The following AGAP1 variants were observed in gnomAD, a reference collection of about 807,000 sequenced individuals.
The protein encoded by AGAP1 is arf-GAP with GTPase, ANK repeat and PH domain-containing protein 1.
Under a neutral mutation model 105.3 loss-of-function variants are expected in AGAP1, and 29 were observed. The ratio of observed to expected loss-of-function variants is 0.28; its 90% CI spans 0.21 to 0.38. AGAP1 has a LOEUF of 0.38. Ranked by LOEUF, AGAP1 falls within the 10% of genes least tolerant of loss-of-function variation. The pLI is 1.00. For synonymous variants in AGAP1, 509 were observed against 485.9 expected, an observed-to-expected ratio of 1.05 and a Z score of -0.63; for missense variants, 998 against 1,165.1, an observed-to-expected ratio of 0.86 and a Z score of 2.09.
chr2:235,796,841 A>G (rs1441608358), intron 6 of AGAP1, among the ~76,000 whole-genome samples: 2 of 152,222 alleles, frequency 1.3e-5, no homozygotes, highest in Non-Finnish European at 2.9e-5. Flanking sequence ...AAAGACACAC[A>G]TCTATTCAAA....
At chr2:235,764,037 G>A (rs1187038310) in intron 6 of AGAP1, among the ~76,000 whole-genome samples, 3 of 151,376 alleles carry the variant, frequency 2.0e-5, no homozygotes, top group East Asian at 1.9e-4. Flanking sequence ...GCTTTGGCCC[G>A]TGCGTGGCTC....
In AGAP1 at chr2:235,700,951, T is replaced by A. The variant is rs905732876; in HGVS notation, c.164-8228T>A. 2.7e-5 allele frequency among the ~76,000 whole-genome samples: 4 copies of A among 147,572 alleles called. No individual in the cohort carries two copies. The highest frequency in any genetic ancestry group is 4.5e-5 in the Non-Finnish European group (3 of 67,208). On this transcript the variant is annotated intron_variant, in intron 1 of 17. Transcript: ENST00000304032. The surrounding 1 kb of genome is among the most constrained non-coding windows in gnomAD (Gnocchi z 6.1). ...CACATGCTAGCATATTTGTAATATA[T>A]ATATTATGTATTATGTATATATTAT...
chr2:235,503,306 G>C (rs1315221665), intron 1 of AGAP1, among the ~76,000 whole-genome samples: 1 of 152,194 alleles, frequency 6.6e-6, no homozygotes, highest in Non-Finnish European at 1.5e-5. Flanking sequence ...GTTTCCGGAA[G>C]CCTGTCTGCA....
At chr2:235,575,965 G>C (rs1056854289) in intron 1 of AGAP1, among the ~76,000 whole-genome samples, 1 of 152,148 alleles carries the variant, frequency 6.6e-6, no homozygotes, top group Admixed American at 6.5e-5. Flanking sequence ...TTTATGAGAC[G>C]TGTTGTCCCC....
rs73996678 is a variant in AGAP1, at chr2:235,971,289, A to T, written c.1645+2666A>T. On this transcript the variant is annotated intron_variant, in intron 13 of 17. Transcript: ENST00000304032. The surrounding 1 kb of genome is among the most constrained non-coding windows in gnomAD (Gnocchi z 4.8). The stretch of plus-strand genomic sequence containing the variant: ...TTTCAAAGCCACATTTTCCCCCCAA[A>T]TTGTAACATATCTGAAGTCAGAACA... Among the ~76,000 whole-genome samples, 3,915 of 152,290 alleles carry T rather than the reference A, an allele frequency of 0.026. 169 individuals are homozygous for T. Among genetic ancestry groups the T allele is most frequent in the African/African-American group, 0.089 (3,688 of 41,554 alleles).
Position 235,776,787 on chromosome 2 carries a change from A to C in AGAP1, c.674-20972A>C, listed in dbSNP as rs1470768618. On this transcript the variant is annotated intron_variant, in intron 6 of 17. Coordinates refer to ENST00000304032, the MANE Select transcript of AGAP1 (RefSeq NM_001037131.3). ...AGCTCGCACCCTTTCCTTAGCCTCA[A>C]AGCCTTGCTCTGAGCGAAAACCTGC... Among the ~76,000 whole-genome samples the C allele has an allele frequency of 3.3e-5, 5 of 152,202 alleles. No individual in the cohort carries two copies. In the East Asian group the frequency reaches 9.7e-4, roughly 30 times the overall value.
At chr2:235,913,897 G>A (rs1020930488) in intron 11 of AGAP1, among the ~76,000 whole-genome samples, 7 of 152,086 alleles carry the variant, frequency 4.6e-5, no homozygotes, top group Admixed American at 1.3e-4. Context: ...ACTGTGTGGA[G>A]TTCCTTATCG....
chr2:235,908,943 A>G lies in AGAP1; in HGVS notation c.1324+37A>G. ...GCAAATGCACTAACAAATCAAGTTCAACAGCAACAGGTGGTCCAGGCTCGA... is the reference window on the plus strand; with the variant it reads ...GCAAATGCACTAACAAATCAAGTTCGACAGCAACAGGTGGTCCAGGCTCGA... On this transcript the variant is annotated intron_variant, in intron 11 of 17. Coordinates refer to ENST00000304032, the MANE Select transcript of AGAP1 (RefSeq NM_001037131.3). This position sits in a 1 kb window ranked among gnomAD's most constrained non-coding sequence, Gnocchi z 4.4. The G allele has an allele frequency of 6.3e-7, 1 of 1,586,910 alleles. No homozygotes were observed.
At chr2:235,920,477 T>G (rs2052127755) in intron 11 of AGAP1, among the ~76,000 whole-genome samples, 1 of 152,146 alleles carries the variant, frequency 6.6e-6, no homozygotes, top group Admixed American at 6.5e-5. Flanking sequence ...TCCTTTCTTT[T>G]GTAAACTGTA....
At chr2:235,667,278 T>C (rs1483899840) in intron 1 of AGAP1, among the ~76,000 whole-genome samples, 1 of 152,212 alleles carries the variant, frequency 6.6e-6, no homozygotes, top group Non-Finnish European at 1.5e-5. Context: ...ACTCAATATA[T>C]ATTCGATGAA....
Position 236,051,334 on chromosome 2 carries a change from G to C in AGAP1, c.2114+2053G>C, listed in dbSNP as rs1017796983. 6.6e-6 allele frequency among the ~76,000 whole-genome samples: 1 copy of C among 152,216 alleles called. No individual in the cohort carries two copies. The highest frequency in any genetic ancestry group is 1.5e-5 in the Non-Finnish European group (1 of 68,044). On this transcript the variant is annotated intron_variant, in intron 16 of 17. Coordinates refer to ENST00000304032, the MANE Select transcript of AGAP1 (RefSeq NM_001037131.3). This position sits in a 1 kb window ranked among gnomAD's most constrained non-coding sequence, Gnocchi z 5.9. ...GCACACTTTCTCGTAGAAAAGCAAC[G>C]GTGAGTGATGATTGCAGTTCCCTGG...
At chr2:235,565,093 G>A (rs908783024) in intron 1 of AGAP1, among the ~76,000 whole-genome samples, 5 of 148,002 alleles carry the variant, frequency 3.4e-5, no homozygotes, top group Non-Finnish European at 6.0e-5. Flanking sequence ...ACGGTCAGCT[G>A]TGAATTTGAA....
intron 13 of AGAP1, among the ~76,000 whole-genome samples, chr2:235,996,577 C>T (rs1425294203): frequency 2.0e-5 from 3 of 152,182 alleles, no homozygotes; most frequent in East Asian, 1.9e-4. Flanking sequence ...CATGACCTGG[C>T]GGTAGAGCCA....
chr2:236,102,221 T>G lies in AGAP1; in HGVS notation c.2115-17971T>G, dbSNP rs536631311. 3.7e-3 allele frequency among the ~76,000 whole-genome samples: 561 copies of G among 152,006 alleles called. 6 individuals are homozygous for G. The highest frequency in any genetic ancestry group is 3.7e-3 in the Non-Finnish European group (254 of 67,956). On this transcript the variant is annotated intron_variant, in intron 16 of 17. Transcript: ENST00000304032. ...TCACAAGGTCAGGAGATCGAGACCA[T>G]CCTGGCTAACACGGTGAAACCCTGT...
At chr2:235,641,145 A>C (rs561979437) in intron 1 of AGAP1, among the ~76,000 whole-genome samples, 1 of 152,018 alleles carries the variant, frequency 6.6e-6, no homozygotes, top group Middle Eastern at 3.2e-3. Context: ...CCACCAGCCA[A>C]TTACAGAAAT....
Position 236,097,762 on chromosome 2 carries a change from C to T in AGAP1, c.2115-22430C>T. 1.3e-5 allele frequency among the ~76,000 whole-genome samples: 2 copies of T among 152,124 alleles called. 1 individual carries two copies. The highest frequency in any genetic ancestry group is 2.9e-5 in the Non-Finnish European group (2 of 68,032). On this transcript the variant is annotated intron_variant, in intron 16 of 17. Transcript: ENST00000304032. ...ATTGCTGCGCAACCATCACGACCATCCATCTCCAGAACTTTTCCATTACCC... is the reference window on the plus strand; with the variant it reads ...ATTGCTGCGCAACCATCACGACCATTCATCTCCAGAACTTTTCCATTACCC...
At position 235,513,251 on chromosome 2, in the gene AGAP1, T is replaced by C. The variant is rs781150870; in HGVS notation, c.163+18402T>C. Among the ~76,000 whole-genome samples the C allele has an allele frequency of 2.7e-3, 147 of 53,638 alleles. 1 individual carries two copies. Among genetic ancestry groups the C allele is most frequent in the Admixed American group, 4.2e-3 (20 of 4,736 alleles). The allele number at this position is 53,638 out of a possible 152,430, so 35.2% of individuals were successfully genotyped here. A position where few individuals can be genotyped will look rare whatever the true frequency, so the allele number is the denominator to read the frequency against. ...TGCAGATCACTGTGCCGGGCGCGGGTGGCTCATGCCTGTAATCCCAACACT... is the reference window on the plus strand; with the variant it reads ...TGCAGATCACTGTGCCGGGCGCGGGCGGCTCATGCCTGTAATCCCAACACT... On this transcript the variant is annotated intron_variant, in intron 1 of 17. Coordinates refer to ENST00000304032, the MANE Select transcript of AGAP1 (RefSeq NM_001037131.3).
rs1054045693 is a variant in AGAP1, at chr2:235,701,703, A to C, written c.164-7476A>C. Among the ~76,000 whole-genome samples the C allele has an allele frequency of 3.3e-4, 50 of 152,184 alleles. No individual in the cohort carries two copies. The highest frequency in any genetic ancestry group is 1.2e-3 in the African/African-American group (48 of 41,454). On this transcript the variant is annotated intron_variant, in intron 1 of 17. Transcript: ENST00000304032. This position sits in a 1 kb window ranked among gnomAD's most constrained non-coding sequence, Gnocchi z 4.1. ...ACTTCTGCTAAGTCCTACATTTGAA[A>C]GTCATCAGCGGATTATGTCTGATCC... is the stretch of plus-strand genomic sequence containing the variant.
intron 1 of AGAP1, among the ~76,000 whole-genome samples, chr2:235,604,851 G>A (rs1945870837): frequency 6.6e-6 from 1 of 151,180 alleles, no homozygotes; most frequent in Non-Finnish European, 1.5e-5. Flanking sequence ...CAAAGTGCTG[G>A]GATTACAGGC....
Sources: gnomAD v4.1 joint callset for allele counts (sites outside exome capture counted in the v4.1 genomes callset) on GRCh38, gnomAD v4.1.1 for gene constraint, Gnocchi (gnomAD v3.1) non-coding constraint, MANE v1.5 for transcripts, NCBI Gene and HGNC (gene_info 2026-07-23, HGNC 2026-07-21) for gene names.